The following CUBN variants were observed in gnomAD, a reference collection of about 807,000 sequenced individuals.
CUBN encodes cubilin.
Under a neutral mutation model 405.3 loss-of-function variants are expected in CUBN, and 282 were observed. The ratio of observed to expected loss-of-function variants is 0.70; its 90% CI spans 0.63 to 0.77. CUBN has a LOEUF of 0.77. Among genes scored for constraint, CUBN ranks in the 30% least tolerant of loss-of-function variants. The pLI, the probability that CUBN is intolerant of heterozygous loss-of-function variation, is 0.00. For missense variants in CUBN, 4,514 were observed against 4,475.2 expected (o/e 1.01, Z -0.25); for synonymous variants, 1,684 against 1,617.0 (o/e 1.04, Z -0.99).
Position 16,950,123 on chromosome 10 carries a change from A to C in CUBN, c.4970-12T>G. 6.3e-7 allele frequency: 1 copy of C among 1,592,134 alleles called. No homozygotes were observed. ...GGTGATATGATTTACTGGAAGAAAA[A>C]AGAGAAGACTCTCTCGTAAAGTACT... is the stretch of plus-strand genomic sequence containing the variant. On this transcript the variant is annotated splice_polypyrimidine_tract_variant and intron_variant, in intron 33 of 66. Transcript: ENST00000377833.
intron 31 of CUBN, chr10:16,965,943 C>T (rs1342290873): frequency 2.1e-6 from 1 of 470,954 alleles, no homozygotes; most frequent in Admixed American, 2.4e-5. Flanking sequence ...TATACAAACC[C>T]CATCTGTCTG....
At chr10:16,984,078 T>C in intron 30 of CUBN, 27 bp downstream of exon 30, 1 of 1,613,726 alleles carries the variant, frequency 6.2e-7, no homozygotes, top group Admixed American at 1.7e-5. Flanking sequence ...GCTTAAGTAC[T>C]TTAGGAAACC....
At chr10:16,957,599 G>A (rs924838470) in intron 31 of CUBN, among the ~76,000 whole-genome samples, 28 of 152,086 alleles carry the variant, frequency 1.8e-4, no homozygotes, top group Admixed American at 1.3e-3. Context: ...GTGGATGTGG[G>A]GAAAAGGGAA....
intron 6 of CUBN, among the ~76,000 whole-genome samples, chr10:17,116,133 G>T (rs12243365): frequency 0.22 from 33,075 of 152,092 alleles, 3,872 homozygotes; most frequent in African/African-American, 0.31. Flanking sequence ...AAAAAGCGTA[G>T]TTATATAATA....
chr10:17,048,390 C>A (rs985957762), intron 22 of CUBN, among the ~76,000 whole-genome samples: 3 of 152,184 alleles, frequency 2.0e-5, no homozygotes, highest in Non-Finnish European at 2.9e-5. Flanking sequence ...CCTATTCAGT[C>A]GATTCTGTGT....
chr10:17,084,170 C>T (rs1836041812), intron 17 of CUBN, 101 bp downstream of exon 17: 5 of 1,159,330 alleles, frequency 4.3e-6, no homozygotes, highest in African/African-American at 1.5e-5. Flanking sequence ...CTCAGGTATT[C>T]TGGCTGCTGG....
intron 32 of CUBN, among the ~76,000 whole-genome samples, chr10:16,953,540 G>A (rs1333168999): frequency 1.3e-5 from 2 of 152,164 alleles, no homozygotes. Context: ...CTCTTAGAAC[G>A]AGCAGATGAA....
At position 16,954,385 on chromosome 10, in the gene CUBN, T is replaced by G. The variant is rs1231184181; in HGVS notation, c.4855+4A>C. 1 of 1,614,098 alleles carries G rather than the reference T, an allele frequency of 6.2e-7. No homozygotes were observed. Among genetic ancestry groups the G allele is most frequent in the Admixed American group, 1.7e-5 (1 of 60,020 alleles). On this transcript the variant is annotated splice_donor_region_variant and intron_variant, in intron 32 of 66. Transcript: ENST00000377833. Reference sequence around the variant, plus strand: ...GTGCCTGGGAAGATCCACAGGGTACTTGCCTTGCCTGAATTGAGCTCGGAA... The same window carrying G: ...GTGCCTGGGAAGATCCACAGGGTACGTGCCTTGCCTGAATTGAGCTCGGAA...
chr10:17,127,218 CTCTCTCTCTG>C (rs1278017228), intron 3 of CUBN, among the ~76,000 whole-genome samples: 2 of 150,490 alleles, frequency 1.3e-5, no homozygotes, highest in African/African-American at 4.9e-5. Context: ...TTCTTTCTCT[CTCTCTCTCTG>C]TCTCTCTCTC....
In CUBN at chr10:17,111,022, T is replaced by A; in HGVS notation, c.912A>T (p.Glu304Asp). The change falls in exon 9 of 67, where the codon GAA becomes GAT. Residue 304 changes from glutamate (E) to aspartate (D), a missense_variant. This residue lies in a region of CUBN where 1,448 missense variants were observed against 1,388.0 expected (regional missense o/e 1.04). Coordinates refer to ENST00000377833, the MANE Select transcript of CUBN (RefSeq NM_001081.4). ...TGWQGNGYIC[E>D]DINECEINNG... ...TATTTATCTCACATTCATTGATATC[T>A]TCGCAAATATATCCATTGCCTTGCC... The A allele has an allele frequency of 6.2e-7, 1 of 1,614,174 alleles. No individual in the cohort carries two copies. Among genetic ancestry groups the A allele is most frequent in the Non-Finnish European group, 8.5e-7 (1 of 1,180,020 alleles).
At chr10:16,828,132 A>C (rs1838846285) in intron 66 of CUBN, among the ~76,000 whole-genome samples, 1 of 152,094 alleles carries the variant, frequency 6.6e-6, no homozygotes, top group Non-Finnish European at 1.5e-5. Context: ...ATGGGTATTC[A>C]ACCCTAGGCA....
intron 28 of CUBN, among the ~76,000 whole-genome samples, chr10:16,992,693 T>C (rs1833628567): frequency 2.0e-5 from 3 of 152,368 alleles, no homozygotes; most frequent in South Asian, 4.1e-4. Context: ...TACTATCTTC[T>C]TGACTTCTCA....
Position 17,041,154 on chromosome 10 carries a change from G to C in CUBN, c.3896C>G (p.Pro1299Arg), listed in dbSNP as rs752570169. ...GTTGCAATGCTGATTTTCAGAATAA[G>C]GATTCGGATACCCTATACTCTCTAA... is the stretch of plus-strand genomic sequence containing the variant. ...GILESIGYPN[P>R]YSENQHCNWT... The change falls in exon 27 of 67, where the codon CCT (proline) becomes CGT (arginine). Residue 1299 changes from proline (P) to arginine (R), a missense_variant. This residue lies in a region of CUBN where 242 missense variants were observed against 309.0 expected (regional missense o/e 0.78). Transcript: ENST00000377833. The C allele has an allele frequency of 1.9e-6, 3 of 1,613,676 alleles. No homozygotes were observed. The Admixed American group carries it at 5.0e-5, about 27-fold the overall frequency.
intron 56 of CUBN, among the ~76,000 whole-genome samples, chr10:16,880,040 C>T (rs996790628): frequency 1.3e-5 from 2 of 152,182 alleles, no homozygotes; most frequent in Non-Finnish European, 2.9e-5. Context: ...AAAACAGAAA[C>T]AGTTGAATAT....
In CUBN at chr10:16,954,455, G is replaced by C; in HGVS notation, c.4789C>G (p.Leu1597Val). The C allele has an allele frequency of 6.2e-7, 1 of 1,614,130 alleles. No homozygotes were observed. The highest frequency in any genetic ancestry group is 1.1e-5 in the South Asian group (1 of 91,080). Residue 1597 changes from leucine (L) to valine (V), a missense_variant, in exon 32 of 67, where the codon CTC becomes GTC. Physicochemically the swap from Leu to Val is conservative, Grantham distance 32 (BLOSUM62 1). Transcript: ENST00000377833. ...GGGCCAGACTGAAATCTCAAGAAGA[G>C]GCTGTTTCCTGAGGAGACGATGGGG... ...ANPIVSSGNS[L>V]FLRFQSGPSR... is the part of the protein sequence containing the mutation.
chr10:16,944,143 C>T (rs1186575908), intron 36 of CUBN, among the ~76,000 whole-genome samples: 2 of 152,104 alleles, frequency 1.3e-5, no homozygotes, highest in African/African-American at 4.8e-5. Context: ...CTGTCAATTC[C>T]CTGCCCACCA....
In CUBN at chr10:16,913,865, C is replaced by A; in HGVS notation, c.7479G>T (p.Met2493Ile). 1.2e-6 allele frequency: 2 copies of A among 1,614,092 alleles called. No homozygotes were observed. Among genetic ancestry groups the A allele is most frequent in the Non-Finnish European group, 1.7e-6 (2 of 1,180,022 alleles). ...TAPEGRRITL[M>I]FNNLRLATHP... ...GCGTGGCCAGCCTCAGGTTGTTAAA[C>A]ATTAGGGTGATCCGCCTTCCCTCCG... Residue 2493 changes from methionine (M) to isoleucine (I), a missense_variant, in exon 48 of 67, where the codon ATG (methionine) becomes ATT (isoleucine). Met to Ile is a conservative substitution (Grantham distance 10, BLOSUM62 1). This residue lies in a region of CUBN where 1,613 missense variants were observed against 1,542.8 expected (regional missense o/e 1.05). Transcript: ENST00000377833.
intron 8 of CUBN, among the ~76,000 whole-genome samples, chr10:17,111,454 G>A (rs532634978): frequency 2.6e-5 from 4 of 152,038 alleles, no homozygotes; most frequent in African/African-American, 7.3e-5. Flanking sequence ...GATGTCTACC[G>A]CAGCACTGTT....
intron 59 of CUBN, among the ~76,000 whole-genome samples, chr10:16,865,329 T>A (rs1202841962): frequency 6.6e-6 from 1 of 152,108 alleles, no homozygotes; most frequent in African/African-American, 2.4e-5. Flanking sequence ...GTTATATATG[T>A]GCTTGGGTAT....
Sources: allele counts gnomAD v4.1 joint callset (sites outside exome capture counted in the v4.1 genomes callset), GRCh38; gene constraint gnomAD v4.1.1; regional missense constraint gnomAD v4.1.1; transcripts MANE v1.5; gene names NCBI Gene and HGNC (gene_info 2026-07-23, HGNC 2026-07-21).